Variants in NFASC observed in about 807,000 individuals in gnomAD.
NFASC encodes the protein neurofascin.
In NFASC, 43 loss-of-function variants were observed where a neutral mutation model predicts 147.5. The observed-to-expected ratio is 0.29, with a 90% CI of 0.23 to 0.38. The LOEUF (loss-of-function observed/expected upper bound fraction) is 0.38, where lower values mean the gene tolerates loss of function less well. Ranked by LOEUF, NFASC falls within the 10% of genes least tolerant of loss-of-function variation. The probability of loss-of-function intolerance (pLI) is 1.00; values close to 1 mark genes in which losing one functional copy is unlikely to be tolerated. For synonymous variants in NFASC, 622 were observed against 665.5 expected (o/e 0.93, Z 1.01); for missense variants, 1,320 against 1,689.0 (o/e 0.78, Z 3.83).
chr1:204,956,630 T>C (rs1360654204), intron 7 of NFASC, among the ~76,000 whole-genome samples: 1 of 152,226 alleles, frequency 6.6e-6, no homozygotes, highest in East Asian at 1.9e-4. Context: ...TGGAAGTTAT[T>C]TGAGGGCAGT....
intron 1 of NFASC, among the ~76,000 whole-genome samples, chr1:204,889,633 C>T (rs2081993843): frequency 6.6e-6 from 1 of 152,206 alleles, no homozygotes; most frequent in Non-Finnish European, 1.5e-5. Context: ...TGTTTCCCTT[C>T]CTCCAGGCTA....
rs1277834190 is a variant in NFASC at position 205,010,922 on chromosome 1, A to AG, written c.3421+1234_3421+1235insG. The stretch of plus-strand genomic sequence containing the variant: ...CGTCTCAAAAAAGGAAAAAAAAAAA[A>AG]AAAGATCCTGCAGCCCAGACATAAC... On this transcript the variant is annotated intron_variant, in intron 28 of 29. Transcript: ENST00000339876. This position sits in a 1 kb window ranked among gnomAD's most constrained non-coding sequence, Gnocchi z 4.1. 6.6e-6 allele frequency: 1 copy of AG among 151,910 alleles called. No homozygotes were observed. The highest frequency in any genetic ancestry group is 1.9e-4 in the East Asian group (1 of 5,180). The allele number at this position is 151,910 out of a possible 1,614,324, so 9.4% of individuals were successfully genotyped here.
At chr1:204,834,192 A>T (rs1271806576) in intron 1 of NFASC, among the ~76,000 whole-genome samples, 1 of 136,378 alleles carries the variant, frequency 7.3e-6, no homozygotes, top group Non-Finnish European at 1.5e-5. Context: ...TCCCTGGTCC[A>T]TGCCGCAAAG....
chr1:204,842,641 A>C (rs1675691808), intron 1 of NFASC, among the ~76,000 whole-genome samples: 1 of 152,220 alleles, frequency 6.6e-6, no homozygotes, highest in African/African-American at 2.4e-5. Flanking sequence ...CTGACCACAG[A>C]GGCCTGGGGT....
intron 2 of NFASC, among the ~76,000 whole-genome samples, chr1:204,938,689 A>G (rs2093092526): frequency 6.6e-6 from 1 of 152,224 alleles, no homozygotes; most frequent in South Asian, 2.1e-4. Flanking sequence ...GACATCTTGG[A>G]CATTTTGAAT....
At chr1:204,885,417 C>T (rs1304628505) in intron 1 of NFASC, among the ~76,000 whole-genome samples, 1 of 152,068 alleles carries the variant, frequency 6.6e-6, no homozygotes, top group Admixed American at 6.5e-5. Context: ...ACACTGGGCA[C>T]CTCCTTGCCA....
At chr1:204,898,537 A>C (rs2149146523) in intron 1 of NFASC, among the ~76,000 whole-genome samples, 1 of 152,348 alleles carries the variant, frequency 6.6e-6, no homozygotes, top group African/African-American at 2.4e-5. Context: ...GGAAGCATGA[A>C]GCAATGGATT....
chr1:205,017,017 T>C lies in NFASC; in HGVS notation c.*478T>C. ...GGATTCTCCCCCAGGAGAATCCTTT[T>C]TGCAAAGATAGGCAAAAAGGATTGA... On this transcript the variant is annotated 3_prime_UTR_variant, in exon 30 of 30. Transcript: ENST00000339876. 3.7e-6 allele frequency: 1 copy of C among 268,864 alleles called. No homozygotes were observed. The highest frequency in any genetic ancestry group is 7.4e-6 in the Non-Finnish European group (1 of 135,798). 16.7% of individuals were successfully genotyped at this position (268,864 alleles called of 1,614,324 possible).
rs1293896748 is a variant in NFASC at position 204,970,145 on chromosome 1, G to A, written c.1004-471G>A. Among the ~76,000 whole-genome samples the A allele has an allele frequency of 1.8e-4, 27 of 151,046 alleles. 1 individual carries two copies. Among genetic ancestry groups the A allele is most frequent in the Admixed American group, 1.8e-3 (27 of 15,212 alleles). ...CAGTGCCTAAAGAAATGTTCATTAG[G>A]CTTTTCCTAAATGGTCTGATCTTGC... On this transcript the variant is annotated intron_variant, in intron 10 of 29. Coordinates refer to ENST00000339876, the MANE Select transcript of NFASC (RefSeq NM_001005388.3).
chr1:204,996,870 C>T (rs1470638502), intron 24 of NFASC, among the ~76,000 whole-genome samples: 1 of 152,188 alleles, frequency 6.6e-6, no homozygotes, highest in African/African-American at 2.4e-5. Context: ...AGCGATTCAG[C>T]CCGTGCCCCC....
chr1:204,858,955 C>A (rs1001285439), intron 1 of NFASC, among the ~76,000 whole-genome samples: 4 of 151,852 alleles, frequency 2.6e-5, no homozygotes, highest in African/African-American at 9.7e-5. Flanking sequence ...TCTTGCCCTC[C>A]GCTATTCAGT....
chr1:205,016,269 T>C lies in NFASC; in HGVS notation c.3492-39T>C. 2 of 1,479,562 alleles carry C rather than the reference T, an allele frequency of 1.4e-6. No individual in the cohort carries two copies. Among genetic ancestry groups the C allele is most frequent in the South Asian group, 2.3e-5 (2 of 88,266 alleles). The allele number at this position is 1,479,562 out of a possible 1,614,324, so 91.7% of individuals were successfully genotyped here. A position where few individuals can be genotyped will look rare whatever the true frequency, so the allele number is the denominator to read the frequency against. ...TGCTGGCAGGAGGCCAGCTGCCCCA[T>C]CTCACCCCACCTGAGATTCTCTGTC... is the stretch of plus-strand genomic sequence containing the variant. On this transcript the variant is annotated intron_variant, in intron 29 of 29. Coordinates refer to ENST00000339876, the MANE Select transcript of NFASC (RefSeq NM_001005388.3). The surrounding 1 kb of genome is among the most constrained non-coding windows in gnomAD (Gnocchi z 5.1).
chr1:204,829,289 T>A (rs1483342499), intron 1 of NFASC, among the ~76,000 whole-genome samples: 2 of 150,502 alleles, frequency 1.3e-5, no homozygotes, highest in Admixed American at 6.6e-5. Context: ...CTCCCCTGGT[T>A]CCCCCTTGCA....
At chr1:204,991,422 AC>A in intron 24 of NFASC, 116 bp downstream of exon 24, 1 of 1,104,544 alleles carries the variant, frequency 9.1e-7, no homozygotes. Flanking sequence ...CTCCAGACTC[AC>A]CCTTTCAGTG....
chr1:204,856,262 G>C (rs1390829219), intron 1 of NFASC, among the ~76,000 whole-genome samples: 11 of 152,106 alleles, frequency 7.2e-5, no homozygotes. Flanking sequence ...ACAGATGGCT[G>C]TTGCAGACAA....
At position 204,968,359 on chromosome 1, in the gene NFASC, G is replaced by T. The variant is rs1277524491; in HGVS notation, c.817G>T (p.Val273Phe). 3 of 1,611,508 alleles carry T rather than the reference G, an allele frequency of 1.9e-6. No homozygotes were observed. Among genetic ancestry groups the T allele is most frequent in the East Asian group, 4.5e-5 (2 of 44,868 alleles). ...DLLLECIASG[V>F]PTPDIAWYKK... ...CCTGCTGGAATGCATCGCCTCCGGGGTGTATGTGCGGTTTGCAGCCCCTCT... is the reference window on the plus strand; with the variant it reads ...CCTGCTGGAATGCATCGCCTCCGGGTTGTATGTGCGGTTTGCAGCCCCTCT... The change falls in exon 9 of 30, where the codon GTC (valine) becomes TTC (phenylalanine). Residue 273 changes from valine (V) to phenylalanine (F), a missense_variant and splice_region_variant. By Grantham distance (50) the Val-to-Phe change is conservative (BLOSUM62 -1). This residue lies in a region of NFASC where 981 missense variants were observed against 1,289.5 expected (regional missense o/e 0.76). Transcript: ENST00000339876. The surrounding 1 kb of genome is among the most constrained non-coding windows in gnomAD (Gnocchi z 5.4).
At chr1:204,829,694 C>T (rs1229148279) in intron 1 of NFASC, among the ~76,000 whole-genome samples, 1 of 152,068 alleles carries the variant, frequency 6.6e-6, no homozygotes, top group East Asian at 1.9e-4. Context: ...CATTGGGAAA[C>T]TAGGATGGGG....
chr1:204,859,136 C>T (rs1164455391), intron 1 of NFASC, among the ~76,000 whole-genome samples: 3 of 152,168 alleles, frequency 2.0e-5, no homozygotes, highest in Non-Finnish European at 4.4e-5. Flanking sequence ...TGCCAACACG[C>T]CTGGCTAATT....
chr1:204,985,772 G>C (rs1574154440), intron 21 of NFASC: 1 of 619,860 alleles, frequency 1.6e-6, no homozygotes. Flanking sequence ...TGCTTCCTCA[G>C]CCTGGATAGG....
Sources: allele counts gnomAD v4.1 joint callset (sites outside exome capture counted in the v4.1 genomes callset), GRCh38; gene constraint gnomAD v4.1.1; regional missense constraint gnomAD v4.1.1; non-coding constraint Gnocchi (gnomAD v3.1); transcripts MANE v1.5; gene names NCBI Gene and HGNC (gene_info 2026-07-23, HGNC 2026-07-21).